The following ENTPD3 variants were observed in gnomAD, a reference collection of about 807,000 sequenced individuals.
ENTPD3 encodes CD39 antigen-like 3.
ENTPD3 carries 60 observed loss-of-function variants against 51.2 expected under a neutral mutation model. The observed-to-expected ratio is 1.17, with a 90% CI of 0.95 to 1.45. The LOEUF (loss-of-function observed/expected upper bound fraction) is 1.45, where lower values mean the gene tolerates loss of function less well. Among genes scored for constraint, ENTPD3 ranks in the 40% most tolerant of loss-of-function variants. ENTPD3 has a pLI of 0.00. For missense variants in ENTPD3, 593 were observed against 641.1 expected, an observed-to-expected ratio of 0.93 and a Z score of 0.81; for synonymous variants, 221 against 238.4, an observed-to-expected ratio of 0.93 and a Z score of 0.67.
rs116618068 is a variant in ENTPD3 at position 40,403,805 on chromosome 3, C to G, written c.286+2794C>G. 1.7e-3 allele frequency among the ~76,000 whole-genome samples: 262 copies of G among 152,060 alleles called. 2 individuals are homozygous for G. The highest frequency in any genetic ancestry group is 6.1e-3 in the African/African-American group (253 of 41,496). On this transcript the variant is annotated intron_variant, in intron 4 of 10. Coordinates refer to ENST00000301825, the MANE Select transcript of ENTPD3 (RefSeq NM_001248.4). The stretch of plus-strand genomic sequence containing the variant: ...GTAGCTGGGACTACAGACATTGCCA[C>G]CACATCTGGCTAATTTTATTTTTTG...
rs1231203797 is a variant in ENTPD3, at chr3:40,388,026, C to T, written c.-12-20C>T. On this transcript the variant is annotated intron_variant, in intron 1 of 10. Coordinates refer to ENST00000301825, the MANE Select transcript of ENTPD3 (RefSeq NM_001248.4). ...CCGGGGCGGTGGACTTACTGACATC[C>T]TGTATTCTCTCACCTGCAGCTAGGA... The T allele has an allele frequency of 6.2e-7, 1 of 1,609,964 alleles. No individual in the cohort carries two copies. The highest frequency in any genetic ancestry group is 1.3e-5 in the African/African-American group (1 of 74,932).
At chr3:40,414,489 T>C (rs141806337) in intron 5 of ENTPD3, among the ~76,000 whole-genome samples, 192 bp from the exon 6 acceptor site, 276 of 152,320 alleles carry the variant, frequency 1.8e-3, no homozygotes, top group African/African-American at 6.3e-3. Flanking sequence ...AACAAGTGCA[T>C]CCTGCCTTCA....
At chr3:40,406,177 A>G (rs1188653488) in intron 4 of ENTPD3, among the ~76,000 whole-genome samples, 3 of 152,212 alleles carry the variant, frequency 2.0e-5, no homozygotes, top group African/African-American at 7.2e-5. Context: ...TATGACAGCT[A>G]GGCAGAGACA....
chr3:40,423,801 C>T, intron 9 of ENTPD3, 25 bp from the exon 10 acceptor site: 1 of 1,610,910 alleles, frequency 6.2e-7, no homozygotes, highest in Non-Finnish European at 8.5e-7. Flanking sequence ...CCTGCCCTGC[C>T]TCTCAGATGT....
At chr3:40,390,488 C>A (rs987171583) in intron 2 of ENTPD3, among the ~76,000 whole-genome samples, 3 of 152,284 alleles carry the variant, frequency 2.0e-5, no homozygotes, top group African/African-American at 7.2e-5. Context: ...AGCCACTATA[C>A]CCAGCCCAAG....
intron 3 of ENTPD3, among the ~76,000 whole-genome samples, chr3:40,398,124 AG>A (rs1378506735): frequency 6.6e-6 from 1 of 152,162 alleles, no homozygotes; most frequent in Non-Finnish European, 1.5e-5. Context: ...CAGGTGCCGG[AG>A]GGACAGCCAT....
intron 7 of ENTPD3, among the ~76,000 whole-genome samples, chr3:40,420,565 G>A (rs985578794): frequency 1.3e-5 from 2 of 151,928 alleles, no homozygotes; most frequent in African/African-American, 4.8e-5. Context: ...CAATATTTCA[G>A]CCATAGGGTG....
chr3:40,422,134 TCA>T (rs3064615), intron 7 of ENTPD3, among the ~76,000 whole-genome samples: 84,652 of 148,636 alleles, frequency 0.57, 24,593 homozygotes, highest in Non-Finnish European at 0.66. Flanking sequence ...GAGGTAATTG[TCA>T]CACACACACA....
Position 40,427,621 on chromosome 3 carries a change from A to T in ENTPD3, c.*113A>T. The T allele has an allele frequency of 1.3e-6, 1 of 758,574 alleles. No individual in the cohort carries two copies. The highest frequency in any genetic ancestry group is 2.3e-6 in the Non-Finnish European group (1 of 441,748). 47.0% of individuals were successfully genotyped at this position (758,574 alleles called of 1,614,324 possible). On this transcript the variant is annotated 3_prime_UTR_variant, in exon 11 of 11. Coordinates refer to ENST00000301825, the MANE Select transcript of ENTPD3 (RefSeq NM_001248.4). The stretch of plus-strand genomic sequence containing the variant: ...GAAATACAACTAACTAAAATCAAAC[A>T]CCTAGGTCACGTGCCTCTCAAATAC...
chr3:40,398,169 G>A (rs1330568707), intron 3 of ENTPD3, among the ~76,000 whole-genome samples: 1 of 152,178 alleles, frequency 6.6e-6, no homozygotes, highest in Non-Finnish European at 1.5e-5. Context: ...TCTGGCTGCT[G>A]CAGACCCTGG....
chr3:40,400,220 G>T (rs375842701), intron 3 of ENTPD3, among the ~76,000 whole-genome samples: 1 of 149,426 alleles, frequency 6.7e-6, no homozygotes, highest in Non-Finnish European at 1.5e-5. Flanking sequence ...AGCTGAGATC[G>T]TGCCACTGCA....
chr3:40,418,232 C>T (rs981464676), intron 7 of ENTPD3, among the ~76,000 whole-genome samples: 1 of 152,078 alleles, frequency 6.6e-6, no homozygotes, highest in Non-Finnish European at 1.5e-5. Flanking sequence ...GCTCTGCCCT[C>T]AGAGGCTTCT....
chr3:40,420,804 C>G (rs1955852493), intron 7 of ENTPD3, among the ~76,000 whole-genome samples: 1 of 151,788 alleles, frequency 6.6e-6, no homozygotes, highest in Non-Finnish European at 1.5e-5. Flanking sequence ...TGAATATGTA[C>G]CTCAGTTTCC....
intron 2 of ENTPD3, 34 bp from the exon 3 acceptor site, chr3:40,391,989 C>A: frequency 6.2e-7 from 1 of 1,612,498 alleles, no homozygotes. Context: ...TTTTTACCTC[C>A]CCCTCAAGTG....
At chr3:40,420,233 CTTTTT>C in intron 7 of ENTPD3, among the ~76,000 whole-genome samples, 1 of 147,694 alleles carries the variant, frequency 6.8e-6, no homozygotes, top group East Asian at 2.0e-4. Context: ...TTTCTTTTTT[CTTTTT>C]TTCTTTTTTT....
chr3:40,421,554 AG>A (rs2125610265), intron 7 of ENTPD3, among the ~76,000 whole-genome samples: 1 of 152,318 alleles, frequency 6.6e-6, no homozygotes, highest in South Asian at 2.1e-4. Context: ...AATGGATAAA[AG>A]ATTTATATGT....
At chr3:40,421,947 T>C (rs1179008483) in intron 7 of ENTPD3, among the ~76,000 whole-genome samples, 1 of 152,176 alleles carries the variant, frequency 6.6e-6, no homozygotes, top group African/African-American at 2.4e-5. Flanking sequence ...CACTTTCATA[T>C]GTTTATTTGT....
At chr3:40,392,216 CA>C in intron 3 of ENTPD3, 66 bp downstream of exon 3, 1 of 1,576,420 alleles carries the variant, frequency 6.3e-7, no homozygotes, top group Non-Finnish European at 8.7e-7. Context: ...TCAATTATTC[CA>C]AAACCATGAG....
chr3:40,388,080 A>C lies in ENTPD3; in HGVS notation c.23A>C (p.Gln8Pro). The change falls in exon 2 of 11, where the codon CAA becomes CCA. Residue 8 changes from glutamine to proline, a missense_variant. Gln to Pro is a moderately conservative substitution (Grantham distance 76). Transcript: ENST00000301825. ...AAGATGTTCACTGTGCTGACCCGCC[A>C]ACCATGTGAGCAAGCAGGTTAGTAT... MFTVLTRQPCEQAGLKAL... is the reference protein window; with the variant it reads MFTVLTRPPCEQAGLKAL... 1 of 1,614,168 alleles carries C rather than the reference A, an allele frequency of 6.2e-7. No individual in the cohort carries two copies. Among genetic ancestry groups the C allele is most frequent in the South Asian group, 1.1e-5 (1 of 91,072 alleles).
Sources: allele counts gnomAD v4.1 joint callset (sites outside exome capture counted in the v4.1 genomes callset), GRCh38; gene constraint gnomAD v4.1.1; transcripts MANE v1.5; gene names NCBI Gene and HGNC (gene_info 2026-07-23, HGNC 2026-07-21).